ACVR1B: variants seen among roughly 807,000 people sequenced by gnomAD.
The protein encoded by ACVR1B is activin A receptor type 1B.
Under a neutral mutation model 55.6 loss-of-function variants are expected in ACVR1B, and 15 were observed. The observed-to-expected ratio is 0.27, with a 90% CI of 0.18 to 0.42. The LOEUF (loss-of-function observed/expected upper bound fraction) is 0.42, where lower values mean the gene tolerates loss of function less well. Among genes scored for constraint, ACVR1B ranks in the 10% least tolerant of loss-of-function variants. The pLI, the probability that ACVR1B is intolerant of heterozygous loss-of-function variation, is 1.00. For synonymous variants in ACVR1B, 247 were observed against 254.6 expected (o/e 0.97, Z 0.28); for missense variants, 359 against 670.1 (o/e 0.54, Z 5.13).
At chr12:51,978,720 C>T (rs1392481360) in intron 3 of ACVR1B, among the ~76,000 whole-genome samples, 1 of 150,524 alleles carries the variant, frequency 6.6e-6, no homozygotes, top group Non-Finnish European at 1.5e-5. Flanking sequence ...GTCCCAGGTA[C>T]TCAAGAGGCT....
At chr12:51,990,635 A>T (rs1401225894) in intron 7 of ACVR1B, among the ~76,000 whole-genome samples, 1 of 152,154 alleles carries the variant, frequency 6.6e-6, no homozygotes, top group Non-Finnish European at 1.5e-5. Context: ...GTCACTTAAC[A>T]TCTAGTCAGT....
rs971782923 is a variant in ACVR1B, at chr12:51,952,200, G to A, written c.91+366G>A. Among the ~76,000 whole-genome samples, 7 of 152,124 alleles carry A rather than the reference G, an allele frequency of 4.6e-5. No individual in the cohort carries two copies. The East Asian group carries it at 1.4e-3, about 29-fold the overall frequency. ...TCTGCCCTTCACCGTGTCCAGGGGC[G>A]GGGGGCTTTCTTCCCTCCCTCCAGG... On this transcript the variant is annotated intron_variant, in intron 1 of 8. Transcript: ENST00000257963.
rs773042098 is a variant in ACVR1B, at chr12:51,985,196, G to A, written c.984G>A (p.Lys328=). ...CCCTGTTTTTTTCTCTGCCAGGGAAGCCTGGAATTGCTCATCGAGACTTAA... is the reference window on the plus strand; with the variant it reads ...CCCTGTTTTTTTCTCTGCCAGGGAAACCTGGAATTGCTCATCGAGACTTAA... ...LHMEIVGTQG[K]PGIAHRDLKS... is the part of the protein sequence containing the mutation. The change falls in exon 6 of 9, where the codon AAG becomes AAA. Residue 328 remains lysine, a synonymous_variant. Transcript: ENST00000257963. The A allele has an allele frequency of 2.5e-6, 4 of 1,608,338 alleles. No homozygotes were observed. Among genetic ancestry groups the A allele is most frequent in the East Asian group, 2.2e-5 (1 of 44,786 alleles).
chr12:51,953,271 G>A (rs966656746), intron 1 of ACVR1B: 1 of 902,364 alleles, frequency 1.1e-6, no homozygotes, highest in Non-Finnish European at 1.3e-6. Flanking sequence ...AGACAGTCAA[G>A]AAAAGACACC....
intron 8 of ACVR1B, chr12:51,992,356 T>A (rs923084274): frequency 1.2e-5 from 4 of 326,256 alleles, no homozygotes; most frequent in African/African-American, 2.1e-5. Flanking sequence ...AATAAAAAAT[T>A]AGGCTTGGTG....
At chr12:51,956,995 C>T (rs150960330) in intron 1 of ACVR1B, among the ~76,000 whole-genome samples, 3,258 of 152,210 alleles carry the variant, frequency 0.021, 123 homozygotes, top group African/African-American at 0.07. Flanking sequence ...TCTTGAACTC[C>T]TGGGCTCAAG....
chr12:51,977,967 C>T (rs1041262446), intron 3 of ACVR1B, among the ~76,000 whole-genome samples: 1 of 151,968 alleles, frequency 6.6e-6, no homozygotes, highest in Non-Finnish European at 1.5e-5. Context: ...ATGTATGTTT[C>T]CTTGACGTGG....
intron 1 of ACVR1B, among the ~76,000 whole-genome samples, chr12:51,957,425 C>T (rs1040311801): frequency 2.2e-5 from 3 of 133,988 alleles, no homozygotes; most frequent in East Asian, 4.2e-4. Flanking sequence ...GCCTAGGCAA[C>T]GGAGTGAGAC....
intron 1 of ACVR1B, among the ~76,000 whole-genome samples, chr12:51,956,199 G>A (rs1442337882): frequency 6.6e-6 from 1 of 152,102 alleles, no homozygotes; most frequent in Non-Finnish European, 1.5e-5. Flanking sequence ...TGGGCTTTTT[G>A]GTTTTCTTTA....
chr12:51,971,945 A>C (rs1233657109), intron 1 of ACVR1B, among the ~76,000 whole-genome samples: 1 of 152,238 alleles, frequency 6.6e-6, no homozygotes, highest in Non-Finnish European at 1.5e-5. Flanking sequence ...CTAGTTCCTG[A>C]TAGAGCTGAA....
intron 1 of ACVR1B, among the ~76,000 whole-genome samples, chr12:51,958,944 A>G (rs1941463456): frequency 6.6e-6 from 1 of 152,228 alleles, no homozygotes; most frequent in Non-Finnish European, 1.5e-5. Flanking sequence ...AGCACCTGTC[A>G]TATACTAGGC....
intron 1 of ACVR1B, among the ~76,000 whole-genome samples, chr12:51,955,882 T>C (rs1042617605): frequency 2.6e-5 from 4 of 152,254 alleles, no homozygotes; most frequent in African/African-American, 9.6e-5. Context: ...CTTACATTTC[T>C]CTCACTCTGC....
At chr12:51,982,663 G>A (rs1213444812) in intron 4 of ACVR1B, 2 of 1,506,900 alleles carry the variant, frequency 1.3e-6, no homozygotes, top group African/African-American at 2.8e-5. Flanking sequence ...GATGCTATTT[G>A]TTTTTCATTC....
At chr12:51,977,353 A>G (rs563724289) in intron 3 of ACVR1B, among the ~76,000 whole-genome samples, 29 of 152,308 alleles carry the variant, frequency 1.9e-4, no homozygotes, top group African/African-American at 6.3e-4. Flanking sequence ...GCAGGAGTGC[A>G]GTGGCGCAAT....
At chr12:51,987,050 C>T (rs1565621627) in intron 7 of ACVR1B, 108 bp downstream of exon 7, 3 of 1,457,858 alleles carry the variant, frequency 2.1e-6, no homozygotes, top group Admixed American at 3.4e-5. Flanking sequence ...ATGCCTGTTG[C>T]CAGAGCCTGA....
intron 1 of ACVR1B, among the ~76,000 whole-genome samples, chr12:51,963,790 T>C (rs1209202540): frequency 6.6e-6 from 1 of 152,226 alleles, no homozygotes; most frequent in African/African-American, 2.4e-5. Context: ...GTTTCAGTTA[T>C]TTTGTGTATA....
chr12:51,962,346 T>C (rs1474559834), intron 1 of ACVR1B, among the ~76,000 whole-genome samples: 1 of 152,216 alleles, frequency 6.6e-6, no homozygotes, highest in Admixed American at 6.5e-5. Context: ...ATAAGTACTT[T>C]TTACCAGTAC....
rs1036046918 is a variant in ACVR1B, at chr12:51,963,950, T to C, written c.92-11315T>C. On this transcript the variant is annotated intron_variant, in intron 1 of 8. Coordinates refer to ENST00000257963, the MANE Select transcript of ACVR1B (RefSeq NM_004302.5). ...TTCTCTAAATCTTCACCAACACTTATTAAATTTCTTTTTCATATTGTTATG... is the reference window on the plus strand; with the variant it reads ...TTCTCTAAATCTTCACCAACACTTACTAAATTTCTTTTTCATATTGTTATG... 9.9e-5 allele frequency among the ~76,000 whole-genome samples: 15 copies of C among 152,238 alleles called. No homozygotes were observed. In the East Asian group the frequency reaches 1.7e-3, roughly 18 times the overall value.
At chr12:51,960,395 C>T (rs896460852) in intron 1 of ACVR1B, among the ~76,000 whole-genome samples, 2 of 152,098 alleles carry the variant, frequency 1.3e-5, no homozygotes, top group Non-Finnish European at 2.9e-5. Flanking sequence ...GCACTCCACC[C>T]TGGGTGACAG....
Sources: gnomAD v4.1 joint callset for allele counts (sites outside exome capture counted in the v4.1 genomes callset) on GRCh38, gnomAD v4.1.1 for gene constraint, MANE v1.5 for transcripts, NCBI Gene and HGNC (gene_info 2026-07-23, HGNC 2026-07-21) for gene names.